Variants in PTPRN2 observed in about 807,000 individuals in gnomAD.
PTPRN2 encodes the protein protein tyrosine phosphatase receptor type N2.
In PTPRN2, 74 loss-of-function variants were observed where a neutral mutation model predicts 118.8. The ratio of observed to expected loss-of-function variants is 0.62; its 90% CI spans 0.52 to 0.76. The LOEUF (loss-of-function observed/expected upper bound fraction) is 0.76, where lower values mean the gene tolerates loss of function less well. PTPRN2 is among the 30% of genes least tolerant of loss of function. The probability of loss-of-function intolerance (pLI) is 0.00; values close to 1 mark genes in which losing one functional copy is unlikely to be tolerated. For missense variants in PTPRN2, 1,481 were observed against 1,394.4 expected (o/e 1.06, Z -0.99); for synonymous variants, 641 against 608.0 (o/e 1.05, Z -0.80).
chr7:158,159,238 C>T (rs892907715), intron 6 of PTPRN2, among the ~76,000 whole-genome samples: 1 of 152,342 alleles, frequency 6.6e-6, no homozygotes, highest in African/African-American at 2.4e-5. Context: ...GGAATAACCA[C>T]GCGAAGCGTT....
At chr7:158,133,084 C>G (rs115654778) in intron 9 of PTPRN2, among the ~76,000 whole-genome samples, 2,301 of 152,318 alleles carry the variant, frequency 0.015, 59 homozygotes, top group African/African-American at 0.053. Flanking sequence ...TCGTTAAGTT[C>G]AGATCGACAT....
At position 157,874,901 on chromosome 7, in the gene PTPRN2, A is replaced by G. The variant is rs1340091790; in HGVS notation, c.1788+23772T>C. On this transcript the variant is annotated intron_variant, in intron 12 of 22. Coordinates refer to ENST00000389418, the MANE Select transcript of PTPRN2 (RefSeq NM_002847.5). This position sits in a 1 kb window ranked among gnomAD's most constrained non-coding sequence, Gnocchi z 5.8. ...CACACACGGAGACACACTCGTGCACATACACACACACTCATGCACATACAC... is the reference window on the plus strand; with the variant it reads ...CACACACGGAGACACACTCGTGCACGTACACACACACTCATGCACATACAC... 6.6e-6 allele frequency among the ~76,000 whole-genome samples: 1 copy of G among 151,968 alleles called. No individual in the cohort carries two copies. Among genetic ancestry groups the G allele is most frequent in the Non-Finnish European group, 1.5e-5 (1 of 68,012 alleles).
chr7:157,556,960 CAT>C (rs1388680076), intron 21 of PTPRN2, among the ~76,000 whole-genome samples: 7 of 151,540 alleles, frequency 4.6e-5, no homozygotes, highest in Non-Finnish European at 1.0e-4. Context: ...ACGCTCATGT[CAT>C]ATGCACACAC....
rs1390862446 is a variant in PTPRN2, at chr7:157,794,314, C to T, written c.1788+104359G>A. Among the ~76,000 whole-genome samples the T allele has an allele frequency of 1.3e-5, 2 of 152,082 alleles. No homozygotes were observed. Among genetic ancestry groups the T allele is most frequent in the African/African-American group, 2.4e-5 (1 of 41,402 alleles). The stretch of plus-strand genomic sequence containing the variant: ...ACCTCCCCTCGTTCTCTGCTCTGAC[C>T]CGGGCTCACACCTCCCTGCTCCACC... On this transcript the variant is annotated intron_variant, in intron 12 of 22. Coordinates refer to ENST00000389418, the MANE Select transcript of PTPRN2 (RefSeq NM_002847.5). This position sits in a 1 kb window ranked among gnomAD's most constrained non-coding sequence, Gnocchi z 5.2.
chr7:158,533,545 G>A (rs1291836052), intron 1 of PTPRN2, among the ~76,000 whole-genome samples: 2 of 152,186 alleles, frequency 1.3e-5, no homozygotes, highest in Non-Finnish European at 2.9e-5. Context: ...TGTCCTGCGT[G>A]ATGGGTCTCC....
intron 12 of PTPRN2, among the ~76,000 whole-genome samples, chr7:157,789,440 G>A (rs117123630): frequency 1.6e-4 from 25 of 152,332 alleles, no homozygotes; most frequent in East Asian, 1.5e-3. Flanking sequence ...CGGGCTTCAT[G>A]AGCCTCAGAA....
In PTPRN2 at chr7:157,693,853, C is replaced by A. The variant is rs201050645; in HGVS notation, c.1789-10916G>T. On this transcript the variant is annotated intron_variant, in intron 12 of 22. Transcript: ENST00000389418. ...GGCGGCCGGGAGCTCTCCGAGGTGG[C>A]CAGGAGTGGCCGGTAGCCGTCTCCC... 1.3e-5 allele frequency among the ~76,000 whole-genome samples: 2 copies of A among 152,222 alleles called. 1 individual carries two copies. Among genetic ancestry groups the A allele is most frequent in the East Asian group, 3.9e-4 (2 of 5,182 alleles).
rs1425155563 is a variant in PTPRN2, at chr7:157,625,796, CAT to C, written c.2197-4289_2197-4288del. ...AATTCTTTTATTTTATAGATGAGTG[CAT>C]GTGTGAGAGAGTGTGGTGGTGGGAC... On this transcript the variant is annotated intron_variant, in intron 14 of 22. Coordinates refer to ENST00000389418, the MANE Select transcript of PTPRN2 (RefSeq NM_002847.5). Among the ~76,000 whole-genome samples the C allele has an allele frequency of 4.6e-5, 7 of 152,130 alleles. No homozygotes were observed. The East Asian group carries it at 1.3e-3, about 29-fold the overall frequency.
At chr7:158,492,668 A>G (rs1229636097) in intron 1 of PTPRN2, among the ~76,000 whole-genome samples, 2 of 152,266 alleles carry the variant, frequency 1.3e-5, no homozygotes, top group African/African-American at 4.8e-5. Context: ...TATTTCACCC[A>G]GCCAGTGGAT....
intron 7 of PTPRN2, among the ~76,000 whole-genome samples, chr7:158,136,993 A>G (rs1818883363): frequency 7.6e-6 from 1 of 131,724 alleles, no homozygotes; most frequent in Non-Finnish European, 1.6e-5. Context: ...CGGCAAAAAA[A>G]AACCCCATCG....
intron 12 of PTPRN2, among the ~76,000 whole-genome samples, chr7:157,804,517 A>G (rs1464781656): frequency 6.7e-6 from 1 of 148,370 alleles, no homozygotes; most frequent in Non-Finnish European, 1.5e-5. Context: ...GCTCTAGATG[A>G]TTCTAGACTG....
chr7:158,137,007 C>T (rs541692458), intron 7 of PTPRN2, among the ~76,000 whole-genome samples: 4 of 152,080 alleles, frequency 2.6e-5, no homozygotes, highest in South Asian at 2.1e-4. Context: ...CCCATCGTAC[C>T]GAGCAGTTCA....
intron 2 of PTPRN2, among the ~76,000 whole-genome samples, chr7:158,371,423 A>C (rs7792315): frequency 6.6e-6 from 1 of 151,992 alleles, no homozygotes; most frequent in East Asian, 1.9e-4. Flanking sequence ...CTTATGTTTT[A>C]TTTGATTAAC....
At chr7:158,298,869 T>C (rs1800678106) in intron 3 of PTPRN2, among the ~76,000 whole-genome samples, 1 of 152,140 alleles carries the variant, frequency 6.6e-6, no homozygotes, top group Non-Finnish European at 1.5e-5. Context: ...AGGGGTAAAA[T>C]TCATGTCATC....
chr7:158,383,040 G>T (rs1482708762), intron 2 of PTPRN2, among the ~76,000 whole-genome samples: 1 of 152,044 alleles, frequency 6.6e-6, no homozygotes, highest in Non-Finnish European at 1.5e-5. Context: ...ATTGATAAAT[G>T]GCACACTCCG....
chr7:158,123,546 C>G (rs561654134), intron 9 of PTPRN2, among the ~76,000 whole-genome samples: 2 of 152,254 alleles, frequency 1.3e-5, no homozygotes, highest in East Asian at 3.9e-4. Context: ...TCCTGCGGAC[C>G]GCCATGCAGC....
At chr7:158,534,818 T>C (rs1249984915) in intron 1 of PTPRN2, among the ~76,000 whole-genome samples, 1 of 149,740 alleles carries the variant, frequency 6.7e-6, no homozygotes. Flanking sequence ...GATAACATCC[T>C]GCTAGATCAG....
rs942307737 is a variant in PTPRN2, at chr7:157,671,261, G to C, written c.2001+11464C>G. Among the ~76,000 whole-genome samples, 7 of 152,152 alleles carry C rather than the reference G, an allele frequency of 4.6e-5. No homozygotes were observed. Among genetic ancestry groups the C allele is most frequent in the Non-Finnish European group, 7.3e-5 (5 of 68,044 alleles). ...TGGGAAGCCAAGGCTGTCCCCACAC[G>C]GGCTGGTCTGGTGTGGGCAACAAGG... On this transcript the variant is annotated intron_variant, in intron 13 of 22. Transcript: ENST00000389418. This position sits in a 1 kb window ranked among gnomAD's most constrained non-coding sequence, Gnocchi z 4.1.
chr7:157,914,773 C>T (rs545976471), intron 11 of PTPRN2, among the ~76,000 whole-genome samples: 1 of 152,190 alleles, frequency 6.6e-6, no homozygotes. Flanking sequence ...TACTCTACTG[C>T]AAGACTTATG....
Sources: gnomAD v4.1 joint callset for allele counts (sites outside exome capture counted in the v4.1 genomes callset) on GRCh38, gnomAD v4.1.1 for gene constraint, Gnocchi (gnomAD v3.1) non-coding constraint, MANE v1.5 for transcripts, NCBI Gene and HGNC (gene_info 2026-07-23, HGNC 2026-07-21) for gene names.